AKAP14: variants seen among roughly 807,000 people sequenced by gnomAD.
AKAP14 encodes the protein A-kinase anchor protein 14.
In AKAP14, 4 loss-of-function variants were observed where a neutral mutation model predicts 17.0. The ratio of observed to expected loss-of-function variants is 0.23; its 90% CI spans 0.12 to 0.54. The LOEUF (loss-of-function observed/expected upper bound fraction) is 0.54, where lower values mean the gene tolerates loss of function less well. AKAP14 is among the 20% of genes least tolerant of loss of function. AKAP14 has a pLI of 0.95. For synonymous variants in AKAP14, 42 were observed against 51.3 expected (o/e 0.82, Z 0.77); for missense variants, 129 against 150.9 (o/e 0.85, Z 0.76).
At chrX:119,898,810 AAAAG>A (rs2056546742) in intron 2 of AKAP14, among the ~76,000 whole-genome samples, 1 of 107,562 alleles carries the variant, frequency 9.3e-6, no homozygotes, top group South Asian at 4.1e-4. Context: ...AAAAAAAAAA[AAAAG>A]AGTTGCCTTT....
chrX:119,918,674 G>A (rs6655445), intron 5 of AKAP14, among the ~76,000 whole-genome samples: 5,293 of 112,340 alleles, frequency 0.047, 136 homozygotes, highest in African/African-American at 0.098. Flanking sequence ...TGGTATCCAC[G>A]AGGTAGACCA....
At chrX:119,908,284 CAAAA>C (rs549133343) in intron 4 of AKAP14, among the ~76,000 whole-genome samples, 2 of 47,469 alleles carry the variant, frequency 4.2e-5, no homozygotes, top group Non-Finnish European at 9.1e-5. Flanking sequence ...GAGACTCTGT[CAAAA>C]AAAAAAAAAA....
intron 4 of AKAP14, among the ~76,000 whole-genome samples, chrX:119,913,885 T>C (rs1267530778): frequency 9.0e-6 from 1 of 110,910 alleles, no homozygotes; most frequent in Non-Finnish European, 1.9e-5. Context: ...TAACCTTTTC[T>C]CTCCTCCACC....
chrX:119,914,647 G>A, intron 4 of AKAP14, 52 bp from the exon 5 acceptor site: 1 of 1,134,011 alleles, frequency 8.8e-7, no homozygotes, highest in Non-Finnish European at 1.2e-6. Flanking sequence ...TACAGGACTT[G>A]AACAGAAGGC....
intron 5 of AKAP14, 92 bp from the exon 6 acceptor site, chrX:119,919,819 C>A: frequency 1.0e-6 from 1 of 997,642 alleles, no homozygotes; most frequent in Non-Finnish European, 1.4e-6. Context: ...GCACTTACAC[C>A]TGGGAGACAG....
intron 2 of AKAP14, among the ~76,000 whole-genome samples, chrX:119,900,968 G>T (rs1055217681): frequency 2.7e-5 from 3 of 112,493 alleles, no homozygotes; most frequent in Non-Finnish European, 3.8e-5. Context: ...AATGAGGAAA[G>T]ACTTCTAGCT....
chrX:119,920,481 A>G, intron 6 of AKAP14, 27 bp from the exon 7 acceptor site: 6 of 1,128,853 alleles, frequency 5.3e-6, no homozygotes, highest in Non-Finnish European at 7.3e-6. Flanking sequence ...AAATACTTTA[A>G]AAGTGTTTGT....
chrX:119,914,219 CAGAG>C (rs369527262), intron 4 of AKAP14, among the ~76,000 whole-genome samples: 5 of 96,267 alleles, frequency 5.2e-5, no homozygotes, highest in African/African-American at 1.9e-4. Context: ...GCCTGGGCAA[CAGAG>C]AGAGACTCCA....
chrX:119,908,117 C>T (rs1195287092), intron 4 of AKAP14, among the ~76,000 whole-genome samples: 3 of 109,985 alleles, frequency 2.7e-5, no homozygotes, highest in Non-Finnish European at 5.7e-5. Flanking sequence ...GAAACCCTGT[C>T]TCTACAAAAA....
chrX:119,898,793 C>T (rs1231569411), intron 2 of AKAP14, among the ~76,000 whole-genome samples: 7 of 102,286 alleles, frequency 6.8e-5, no homozygotes, highest in Non-Finnish European at 1.2e-4. Context: ...GTGAAAACTC[C>T]GTCTTGAAAA....
At chrX:119,907,277 C>T (rs1415977247) in intron 4 of AKAP14, among the ~76,000 whole-genome samples, 2 of 107,448 alleles carry the variant, frequency 1.9e-5, no homozygotes, top group East Asian at 5.9e-4. Flanking sequence ...ACTACAGGTG[C>T]ATGCTACCAT....
chrX:119,906,274 G>A (rs868712798), intron 4 of AKAP14, among the ~76,000 whole-genome samples: 4 of 77,102 alleles, frequency 5.2e-5, no homozygotes, highest in Non-Finnish European at 8.9e-5. Flanking sequence ...TCACTCTGTC[G>A]CCCAGGCTGG....
At chrX:119,899,470 G>T (rs965695895) in intron 2 of AKAP14, among the ~76,000 whole-genome samples, 1 of 111,548 alleles carries the variant, frequency 9.0e-6, no homozygotes, top group Non-Finnish European at 1.9e-5. Flanking sequence ...GCAGCTCCCC[G>T]GGGCTAGTAA....
intron 4 of AKAP14, among the ~76,000 whole-genome samples, chrX:119,905,648 G>A (rs775752742): frequency 2.4e-4 from 26 of 110,613 alleles, no homozygotes; most frequent in Non-Finnish European, 4.5e-4. Context: ...CCTCCTTGCC[G>A]TTCCTCGACT....
chrX:119,908,057 G>A (rs1463258305), intron 4 of AKAP14, among the ~76,000 whole-genome samples: 4 of 110,940 alleles, frequency 3.6e-5, no homozygotes, highest in Non-Finnish European at 5.7e-5. Flanking sequence ...AGGGCGAGGC[G>A]GGCGGATCAC....
intron 4 of AKAP14, among the ~76,000 whole-genome samples, chrX:119,908,597 C>T (rs1215894972): frequency 8.9e-6 from 1 of 112,122 alleles, no homozygotes; most frequent in African/African-American, 3.2e-5. Flanking sequence ...CCATGGATAA[C>T]AGTTTTGTGC....
At position 119,916,915 on chromosome X, in the gene AKAP14, G is replaced by A. The variant is rs769116055; in HGVS notation, c.441+2037G>A. 1.9e-4 allele frequency among the ~76,000 whole-genome samples: 20 copies of A among 102,597 alleles called. No homozygotes were observed. In the East Asian group the frequency reaches 4.2e-3, roughly 21 times the overall value. 89.1% of individuals were successfully genotyped at this position (102,597 alleles called of 115,157 possible). On this transcript the variant is annotated intron_variant, in intron 5 of 6. Coordinates refer to ENST00000371431, the MANE Select transcript of AKAP14 (RefSeq NM_178813.6). ...GAGGTCAGGAGTTCGAGACCAGCCC[G>A]ACCAACATGGTGAAACCCCATCTCT...
chrX:119,897,687 C>T (rs2056539208), intron 2 of AKAP14, among the ~76,000 whole-genome samples: 2 of 112,067 alleles, frequency 1.8e-5, no homozygotes, highest in South Asian at 3.7e-4. Context: ...CCTCTGGCTG[C>T]TCTGGAGTGG....
intron 2 of AKAP14, among the ~76,000 whole-genome samples, chrX:119,897,384 C>T (rs2056536600): frequency 9.1e-6 from 1 of 109,591 alleles, no homozygotes; most frequent in South Asian, 3.9e-4. Flanking sequence ...TGGTCTCGAT[C>T]TCCTGACCTC....
Sources: gnomAD v4.1 joint callset for allele counts (sites outside exome capture counted in the v4.1 genomes callset) on GRCh38, gnomAD v4.1.1 for gene constraint, MANE v1.5 for transcripts, NCBI Gene and HGNC (gene_info 2026-07-23, HGNC 2026-07-21) for gene names.